LGI1: variants seen among roughly 807,000 people sequenced by gnomAD.
LGI1 encodes leucine rich glioma inactivated 1.
LGI1 carries 11 observed loss-of-function variants against 57.7 expected under a neutral mutation model. The observed-to-expected ratio is 0.19, with a 90% CI of 0.12 to 0.32. LGI1 has a LOEUF of 0.32. LGI1 is among the 10% of genes least tolerant of loss of function. The pLI is 1.00. For missense variants in LGI1, 422 were observed against 661.9 expected (o/e 0.64, Z 3.98); for synonymous variants, 222 against 241.9 (o/e 0.92, Z 0.76).
intron 4 of LGI1, chr10:93,789,796 C>G: frequency 3.4e-6 from 1 of 293,028 alleles, no homozygotes; most frequent in South Asian, 6.1e-5. Context: ...CACTTGAACC[C>G]GGGAGGCAGA....
At chr10:93,791,180 A>T (rs1029599885) in intron 5 of LGI1, 13 of 152,190 alleles carry the variant, frequency 8.5e-5, no homozygotes, top group Non-Finnish European at 1.8e-4. Flanking sequence ...GTTTAATTCC[A>T]GGAGAATGCC....
intron 2 of LGI1, chr10:93,763,396 T>C (rs1268017158): frequency 6.6e-6 from 1 of 152,290 alleles, no homozygotes; most frequent in Non-Finnish European, 1.5e-5. Context: ...TGTCTGGCAC[T>C]GTGTGCCATT....
At chr10:93,768,895 G>T (rs1447627230) in intron 2 of LGI1, 1 of 152,154 alleles carries the variant, frequency 6.6e-6, no homozygotes. Context: ...CCAAATTAAG[G>T]TTATTCCAAT....
At position 93,797,235 on chromosome 10, in the gene LGI1, C is replaced by G. The variant is rs150357603; in HGVS notation, c.1106C>G (p.Ser369Cys). ...IYKWNGNGFYSHQSLHAWYRD... is the reference protein window; with the variant it reads ...IYKWNGNGFYCHQSLHAWYRD... The stretch of plus-strand genomic sequence containing the variant: ...AAATGGAACGGAAACGGATTCTACT[C>G]CCATCAATCCTTACACGCGTGGTAC... The change falls in exon 8 of 8, where the codon TCC becomes TGC. Residue 369 changes from serine to cysteine, a missense_variant. Physicochemically the swap from Ser to Cys is moderately radical, Grantham distance 112. Around this residue, in one of 3 missense-constraint regions of LGI1, gnomAD observed 301 missense variants for 461.7 expected, o/e 0.65. Transcript: ENST00000371418. This position sits in a 1 kb window ranked among gnomAD's most constrained non-coding sequence, Gnocchi z 6.5. 2 of 1,614,154 alleles carry G rather than the reference C, an allele frequency of 1.2e-6. No individual in the cohort carries two copies. The highest frequency in any genetic ancestry group is 1.7e-6 in the Non-Finnish European group (2 of 1,180,026).
intron 2 of LGI1, among the ~76,000 whole-genome samples, chr10:93,761,711 G>T (rs1242822506): frequency 1.3e-5 from 2 of 152,000 alleles, no homozygotes; most frequent in African/African-American, 2.4e-5. Flanking sequence ...GAGAGAGAAA[G>T]AATAAAATTA....
intron 2 of LGI1, chr10:93,769,203 A>G (rs533813525): frequency 6.6e-6 from 1 of 152,354 alleles, no homozygotes; most frequent in East Asian, 1.9e-4. Flanking sequence ...TGGATCATTT[A>G]AGCAAAGCCA....
intron 4 of LGI1, among the ~76,000 whole-genome samples, chr10:93,781,365 GTAAA>G (rs35338658): frequency 0.02 from 2,918 of 148,396 alleles, 33 homozygotes; most frequent in African/African-American, 0.033. Flanking sequence ...TCTCTAAGAA[GTAAA>G]TAAATAAATA....
At chr10:93,776,947 G>A in intron 2 of LGI1, 1 of 234,966 alleles carries the variant, frequency 4.3e-6, no homozygotes, top group Non-Finnish European at 8.4e-6. Context: ...CAGGCATGCA[G>A]CTTACTTTTT....
rs2059750329 is a variant in LGI1, at chr10:93,772,398, A to T, written c.288-4981A>T. Among the ~76,000 whole-genome samples the T allele has an allele frequency of 1.3e-5, 2 of 152,150 alleles. 1 individual carries two copies. Among genetic ancestry groups the T allele is most frequent in the South Asian group, 4.1e-4 (2 of 4,834 alleles). On this transcript the variant is annotated intron_variant, in intron 2 of 7. Transcript: ENST00000371418. ...AAGTCTATCATAAGGAAATAAGTAG[A>T]GATAGGAAAAATATTTATATATAAG... is the stretch of plus-strand genomic sequence containing the variant.
At chr10:93,777,684 T>C (rs534919389) in intron 4 of LGI1, 67 bp downstream of exon 4, 144 of 1,215,174 alleles carry the variant, frequency 1.2e-4, no homozygotes, top group Admixed American at 5.7e-4. Context: ...TCACCTGTGG[T>C]TAATGCACCT....
At chr10:93,781,194 T>C (rs1323375344) in intron 4 of LGI1, among the ~76,000 whole-genome samples, 1 of 150,854 alleles carries the variant, frequency 6.6e-6, no homozygotes, top group African/African-American at 2.4e-5. Flanking sequence ...CCATCTCTAC[T>C]AAAAAATACA....
In LGI1 at chr10:93,797,430, C is replaced by T. The variant is rs2059990507; in HGVS notation, c.1301C>T (p.Ala434Val). 1.2e-6 allele frequency: 2 copies of T among 1,614,062 alleles called. No homozygotes were observed. Among genetic ancestry groups the T allele is most frequent in the South Asian group, 2.2e-5 (2 of 91,090 alleles). ...TDIPNMEDVY[A>V]VKHFSVKGDV... The stretch of plus-strand genomic sequence containing the variant: ...ATTCCTAACATGGAGGATGTGTACG[C>T]AGTGAAGCACTTCTCAGTGAAAGGG... The change falls in exon 8 of 8, where the codon GCA (alanine) becomes GTA (valine). Residue 434 changes from alanine (A) to valine (V), a missense_variant. Around this residue, in one of 3 missense-constraint regions of LGI1, gnomAD observed 301 missense variants for 461.7 expected, o/e 0.65. Transcript: ENST00000371418. The surrounding 1 kb of genome is among the most constrained non-coding windows in gnomAD (Gnocchi z 6.5).
intron 2 of LGI1, chr10:93,768,153 A>G (rs1222957492): frequency 6.6e-6 from 1 of 152,156 alleles, no homozygotes; most frequent in African/African-American, 2.4e-5. Context: ...AAACCTCTCA[A>G]CCCTTTGAAG....
intron 4 of LGI1, among the ~76,000 whole-genome samples, chr10:93,778,344 TTCACAC>T (rs1387503383): frequency 2.9e-5 from 2 of 70,074 alleles, no homozygotes; most frequent in African/African-American, 1.1e-4. Flanking sequence ...GACAAACACA[TTCACAC>T]ACACACACAC....
chr10:93,790,303 G>A (rs1029021807), intron 5 of LGI1, 133 bp downstream of exon 5: 6 of 818,310 alleles, frequency 7.3e-6, no homozygotes, highest in African/African-American at 5.2e-5. Context: ...AATTTTAACT[G>A]GCCAAAAATT....
intron 5 of LGI1, chr10:93,790,940 T>C (rs1247781234): frequency 6.6e-6 from 1 of 152,198 alleles, no homozygotes; most frequent in Admixed American, 6.5e-5. Flanking sequence ...TGAAAGGATA[T>C]ATGAAAACAA....
chr10:93,758,081 G>C lies in LGI1; in HGVS notation c.-64G>C, dbSNP rs990540455. On this transcript the variant is annotated 5_prime_UTR_variant, in exon 1 of 8. Transcript: ENST00000371418. The surrounding 1 kb of genome is among the most constrained non-coding windows in gnomAD (Gnocchi z 4.7). ...GACTCCTATGTGACCTGTTCTTAGAGCAAGACAATCACCATCTGAATTCCA... is the reference window on the plus strand; with the variant it reads ...GACTCCTATGTGACCTGTTCTTAGACCAAGACAATCACCATCTGAATTCCA... 4 of 1,457,954 alleles carry C rather than the reference G, an allele frequency of 2.7e-6. No individual in the cohort carries two copies. The African/African-American group carries it at 5.6e-5, about 20-fold the overall frequency. 90.3% of individuals were successfully genotyped at this position (1,457,954 alleles called of 1,614,324 possible).
At position 93,798,048 on chromosome 10, in the gene LGI1, C is replaced by T. The variant is rs1405660399; in HGVS notation, c.*245C>T. On this transcript the variant is annotated 3_prime_UTR_variant, in exon 8 of 8. Transcript: ENST00000371418. Reference sequence around the variant, plus strand: ...TTTGCAGTGAAGATGTGTAAATAAGCGTTTAATGGTATCTGTTACTCCAAA... The same window carrying T: ...TTTGCAGTGAAGATGTGTAAATAAGTGTTTAATGGTATCTGTTACTCCAAA... 2.2e-5 allele frequency: 12 copies of T among 542,660 alleles called. No individual in the cohort carries two copies. Among genetic ancestry groups the T allele is most frequent in the South Asian group, 8.8e-5 (4 of 45,482 alleles). 33.6% of individuals were successfully genotyped at this position (542,660 alleles called of 1,614,324 possible).
chr10:93,789,094 T>G (rs1399795708), intron 4 of LGI1: 1 of 152,180 alleles, frequency 6.6e-6, no homozygotes, highest in African/African-American at 2.4e-5. Context: ...TCAGGACAAT[T>G]TTTTACTCAT....
Sources: gnomAD v4.1 joint callset for allele counts (sites outside exome capture counted in the v4.1 genomes callset) on GRCh38, gnomAD v4.1.1 for gene constraint, gnomAD v4.1.1 regional missense constraint, Gnocchi (gnomAD v3.1) non-coding constraint, MANE v1.5 for transcripts, NCBI Gene and HGNC (gene_info 2026-07-23, HGNC 2026-07-21) for gene names.